Variants in FGF14 observed in about 807,000 individuals in gnomAD.
FGF14 encodes the protein fibroblast growth factor 14.
Under a neutral mutation model 25.5 loss-of-function variants are expected in FGF14, and 5 were observed. That is an observed-to-expected ratio of 0.20 (90% CI 0.10 to 0.41). FGF14 has a LOEUF of 0.41. Ranked by LOEUF, FGF14 falls within the 10% of genes least tolerant of loss-of-function variation. The pLI is 1.00. For synonymous variants in FGF14, 138 were observed against 118.3 expected (o/e 1.17, Z -1.08); for missense variants, 222 against 320.1 (o/e 0.69, Z 2.34).
intron 1 of FGF14, among the ~76,000 whole-genome samples, chr13:102,300,507 C>G (rs1372559262): frequency 6.6e-6 from 1 of 152,134 alleles, no homozygotes; most frequent in Non-Finnish European, 1.5e-5. Context: ...ACCTCATCCT[C>G]TCAGTTGCTC....
At chr13:102,141,990 C>T (rs1361781298) in intron 1 of FGF14, among the ~76,000 whole-genome samples, 2 of 152,064 alleles carry the variant, frequency 1.3e-5, no homozygotes, top group East Asian at 3.9e-4. Flanking sequence ...TTCCCTCTTT[C>T]TCTCAAAAAT....
rs968833368 is a variant in FGF14 at position 102,347,565 on chromosome 13, G to A, written c.208+53906C>T. Among the ~76,000 whole-genome samples, 7 of 152,246 alleles carry A rather than the reference G, an allele frequency of 4.6e-5. 1 individual carries two copies. The highest frequency in any genetic ancestry group is 4.8e-5 in the African/African-American group (2 of 41,544). Reference sequence around the variant, plus strand: ...AGTGGGAGGGAGTAAGGCCTGCTGCGGAAATCAATGAAGCCCTCTCGCACT... The same window carrying A: ...AGTGGGAGGGAGTAAGGCCTGCTGCAGAAATCAATGAAGCCCTCTCGCACT... On this transcript the variant is annotated intron_variant, in intron 1 of 4. Transcript: ENST00000376131.
chr13:102,004,098 C>A (rs574893842), intron 1 of FGF14, among the ~76,000 whole-genome samples: 2 of 152,240 alleles, frequency 1.3e-5, no homozygotes, highest in East Asian at 1.9e-4. Flanking sequence ...TCCCATGCTT[C>A]TGCATTGACT....
rs138468503 is a variant in FGF14 at position 101,714,051 on chromosome 13, T to A, written c.*8780A>T. 396 of 165,806 alleles carry A rather than the reference T, an allele frequency of 2.4e-3. No individual in the cohort carries two copies. The highest frequency in any genetic ancestry group is 9.0e-3 in the African/African-American group (377 of 42,100). The allele number at this position is 165,806 out of a possible 1,614,324, so 10.3% of individuals were successfully genotyped here. On this transcript the variant is annotated 3_prime_UTR_variant, in exon 5 of 5. Coordinates refer to ENST00000376143, the MANE Select transcript of FGF14 (RefSeq NM_004115.4). ...GAAATGCAACCTAATTTAATACAAT[T>A]CCCTATTCATTTCCTTTAAAGAGCA...
intron 3 of FGF14, among the ~76,000 whole-genome samples, chr13:101,792,872 C>T (rs118085372): frequency 0.026 from 3,986 of 151,856 alleles, 93 homozygotes; most frequent in Non-Finnish European, 0.038. Flanking sequence ...ATTTGATTGG[C>T]TTTTTTTGTA....
At chr13:102,306,115 A>C (rs2055363584) in intron 1 of FGF14, among the ~76,000 whole-genome samples, 1 of 152,186 alleles carries the variant, frequency 6.6e-6, no homozygotes, top group Non-Finnish European at 1.5e-5. Flanking sequence ...AGGTTACCAG[A>C]ACTGTGTCTA....
chr13:102,381,687 T>C (rs1363395612), intron 1 of FGF14, among the ~76,000 whole-genome samples: 1 of 152,236 alleles, frequency 6.6e-6, no homozygotes, highest in East Asian at 1.9e-4. Context: ...GAGTATTAAT[T>C]TTTTAAAAGT....
intron 1 of FGF14, among the ~76,000 whole-genome samples, chr13:102,153,454 C>T (rs2047180332): frequency 6.6e-6 from 1 of 152,152 alleles, no homozygotes; most frequent in Admixed American, 6.5e-5. Context: ...TTGCTCCCCT[C>T]TGAGATTTAT....
intron 1 of FGF14, among the ~76,000 whole-genome samples, chr13:102,358,097 T>C (rs2057466834): frequency 6.6e-6 from 1 of 152,196 alleles, no homozygotes; most frequent in African/African-American, 2.4e-5. Flanking sequence ...TTTAAAACTC[T>C]TGAACTTTAT....
intron 1 of FGF14, among the ~76,000 whole-genome samples, chr13:102,140,043 A>AACCCCCCC (rs1555365006): frequency 1.2e-5 from 1 of 82,458 alleles, no homozygotes; most frequent in African/African-American, 5.0e-5. Context: ...ACTCTTCAAG[A>AACCCCCCC]CCCCCCCCCC....
At chr13:102,187,760 T>C (rs2048934482) in intron 1 of FGF14, among the ~76,000 whole-genome samples, 1 of 152,156 alleles carries the variant, frequency 6.6e-6, no homozygotes, top group Admixed American at 6.6e-5. Flanking sequence ...TTACAGTTGG[T>C]TGTGTGGCTG....
At chr13:102,015,985 A>T (rs1382080496) in intron 1 of FGF14, among the ~76,000 whole-genome samples, 7 of 152,214 alleles carry the variant, frequency 4.6e-5, no homozygotes. Flanking sequence ...GAGAGATTAG[A>T]GCACTATTAT....
chr13:102,064,758 A>G (rs574154225), intron 1 of FGF14, among the ~76,000 whole-genome samples: 1 of 151,996 alleles, frequency 6.6e-6, no homozygotes, highest in East Asian at 1.9e-4. Flanking sequence ...AAGTATAACA[A>G]TAATTTACAA....
At chr13:101,954,890 T>G (rs1485719918) in intron 1 of FGF14, among the ~76,000 whole-genome samples, 2 of 152,124 alleles carry the variant, frequency 1.3e-5, no homozygotes, top group Non-Finnish European at 2.9e-5. Context: ...TGGAGGAGAG[T>G]GTCTTAGTCA....
At chr13:101,926,414 A>G (rs1451907877) in intron 1 of FGF14, among the ~76,000 whole-genome samples, 1 of 152,172 alleles carries the variant, frequency 6.6e-6, no homozygotes, top group Non-Finnish European at 1.5e-5. Context: ...TCCCCTGCTC[A>G]GTGTTACCTG....
chr13:101,943,292 C>G (rs1206206418), intron 1 of FGF14, among the ~76,000 whole-genome samples: 1 of 152,162 alleles, frequency 6.6e-6, no homozygotes, highest in African/African-American at 2.4e-5. Flanking sequence ...CTACCATCTA[C>G]TAGATTGTGA....
intron 1 of FGF14, among the ~76,000 whole-genome samples, chr13:102,302,096 C>A (rs1269083691): frequency 2.0e-5 from 3 of 152,178 alleles, no homozygotes; most frequent in Non-Finnish European, 4.4e-5. Context: ...AGCATTACCA[C>A]AGCAGTTTTT....
At chr13:101,783,898 C>G (rs183580807) in intron 3 of FGF14, among the ~76,000 whole-genome samples, 25 of 152,272 alleles carry the variant, frequency 1.6e-4, no homozygotes, top group African/African-American at 6.0e-4. Context: ...CTGCATATGG[C>G]TAGTGAGTTA....
intron 1 of FGF14, among the ~76,000 whole-genome samples, chr13:102,161,637 G>GAAGAAGAAGAAGA (rs2047719519): frequency 1.2e-4 from 1 of 8,672 alleles, no homozygotes; most frequent in Non-Finnish European, 2.2e-4. Flanking sequence ...AGAAGAAGAA[G>GAAGAAGAAGAAGA]AAGAAGAAGA....
Sources: gnomAD v4.1 joint callset for allele counts (sites outside exome capture counted in the v4.1 genomes callset) on GRCh38, gnomAD v4.1.1 for gene constraint, MANE v1.5 for transcripts, NCBI Gene and HGNC (gene_info 2026-07-23, HGNC 2026-07-21) for gene names.